RNF157: variants seen among roughly 807,000 people sequenced by gnomAD.
The protein encoded by RNF157 is ring finger protein 157, also known as E3 ubiquitin ligase RNF157.
In RNF157, 55 loss-of-function variants were observed where a neutral mutation model predicts 88.3. The observed-to-expected ratio is 0.62, with a 90% CI of 0.50 to 0.78. RNF157 has a LOEUF of 0.78. Ranked by LOEUF, RNF157 falls within the 30% of genes least tolerant of loss-of-function variation. RNF157 has a pLI of 0.00. For missense variants in RNF157, 788 were observed against 860.8 expected, an observed-to-expected ratio of 0.92 and a Z score of 1.06; for synonymous variants, 334 against 341.2, an observed-to-expected ratio of 0.98 and a Z score of 0.23.
At chr17:76,200,424 T>C (rs2069555579) in intron 2 of RNF157, among the ~76,000 whole-genome samples, 1 of 152,154 alleles carries the variant, frequency 6.6e-6, no homozygotes, top group African/African-American at 2.4e-5. Flanking sequence ...TGCTACAACA[T>C]GGATGAACCA....
chr17:76,203,182 G>C (rs1444152368), intron 2 of RNF157, among the ~76,000 whole-genome samples: 12 of 152,066 alleles, frequency 7.9e-5, no homozygotes, highest in East Asian at 1.9e-4. Flanking sequence ...GTAGAGACAG[G>C]GTTTCGCCAT....
Position 76,202,128 on chromosome 17 carries a change from TCACACACACACACACACACACACA to T in RNF157, c.207+10212_207+10235del, listed in dbSNP as rs60491535. 4.6e-3 allele frequency among the ~76,000 whole-genome samples: 620 copies of T among 134,664 alleles called. 2 individuals are homozygous for T. The highest frequency in any genetic ancestry group is 8.9e-3 in the Admixed American group (122 of 13,674). The allele number at this position is 134,664 out of a possible 152,430, so 88.3% of individuals were successfully genotyped here. Reference sequence around the variant, plus strand: ...ATCTCAGTTTCTCTCTCTCTCTCTCTCACACACACACACACACACACACACACACACACACACACACACGTGCAT... The same window carrying T: ...ATCTCAGTTTCTCTCTCTCTCTCTCTCACACACACACACACACACGTGCAT... On this transcript the variant is annotated intron_variant, in intron 2 of 18. Transcript: ENST00000269391.
chr17:76,219,935 G>C (rs1450878096), intron 1 of RNF157, among the ~76,000 whole-genome samples: 4 of 151,864 alleles, frequency 2.6e-5, no homozygotes. Flanking sequence ...CAGAGAGAAA[G>C]TTAAAAAAAG....
chr17:76,226,253 T>G (rs2145062785), intron 1 of RNF157: 1 of 1,610,172 alleles, frequency 6.2e-7, no homozygotes, highest in Non-Finnish European at 8.5e-7. Flanking sequence ...GATATCCACT[T>G]CACTGCCCAG....
chr17:76,200,267 A>C (rs1001989502), intron 2 of RNF157, among the ~76,000 whole-genome samples: 7 of 151,866 alleles, frequency 4.6e-5, no homozygotes, highest in Admixed American at 4.6e-4. Flanking sequence ...AAAAACAAAA[A>C]CCAAAAAAAA....
At chr17:76,223,179 C>T (rs1453863949) in intron 1 of RNF157, among the ~76,000 whole-genome samples, 1 of 150,348 alleles carries the variant, frequency 6.7e-6, no homozygotes, top group Admixed American at 6.6e-5. Context: ...GGTGAGCCAC[C>T]GCACCCGGCC....
intron 2 of RNF157, among the ~76,000 whole-genome samples, chr17:76,184,927 G>T (rs975764650): frequency 2.6e-5 from 4 of 152,134 alleles, no homozygotes; most frequent in Non-Finnish European, 5.9e-5. Context: ...ACCTAATGTT[G>T]ACCTTTTCCA....
At chr17:76,178,911 T>C (rs2069146976) in intron 2 of RNF157, among the ~76,000 whole-genome samples, 1 of 152,178 alleles carries the variant, frequency 6.6e-6, no homozygotes, top group Admixed American at 6.5e-5. Context: ...CCCAAGACGC[T>C]CTGGATGCAG....
At chr17:76,166,100 A>T (rs1280036682) in intron 6 of RNF157, among the ~76,000 whole-genome samples, 1 of 152,062 alleles carries the variant, frequency 6.6e-6, no homozygotes, top group Non-Finnish European at 1.5e-5. Flanking sequence ...TCAGCCTCCC[A>T]AGTAGTTGAG....
At position 76,144,004 on chromosome 17, in the gene RNF157, C is replaced by G. The variant is rs571109160; in HGVS notation, c.*1231G>C. On this transcript the variant is annotated 3_prime_UTR_variant, in exon 19 of 19. Coordinates refer to ENST00000269391, the MANE Select transcript of RNF157 (RefSeq NM_052916.3). The stretch of plus-strand genomic sequence containing the variant: ...GCTGCTGCCTGAACTTAGCTCAAGG[C>G]TCTCCATCACTTCCTTTGGGGACCT... 1.4e-4 allele frequency: 21 copies of G among 152,334 alleles called. No homozygotes were observed. Among genetic ancestry groups the G allele is most frequent in the Admixed American group, 1.1e-3 (17 of 15,302 alleles). 9.4% of individuals were successfully genotyped at this position (152,334 alleles called of 1,614,324 possible).
intron 4 of RNF157, 52 bp from the exon 5 acceptor site, chr17:76,167,178 G>T (rs752023954): frequency 2.3e-6 from 3 of 1,300,372 alleles, no homozygotes; most frequent in Non-Finnish European, 3.3e-6. Context: ...GCACAGATGG[G>T]TCTGACAACT....
intron 6 of RNF157, among the ~76,000 whole-genome samples, chr17:76,165,824 G>A (rs995491607): frequency 2.0e-5 from 3 of 151,408 alleles, no homozygotes; most frequent in African/African-American, 4.9e-5. Flanking sequence ...TTATACGCAT[G>A]AGCCACCATG....
At position 76,195,805 on chromosome 17, in the gene RNF157, G is replaced by A. The variant is rs1030231139; in HGVS notation, c.207+16559C>T. Among the ~76,000 whole-genome samples, 1 of 152,152 alleles carries A rather than the reference G, an allele frequency of 6.6e-6. No individual in the cohort carries two copies. Among genetic ancestry groups the A allele is most frequent in the South Asian group, 2.1e-4 (1 of 4,824 alleles). Reference sequence around the variant, plus strand: ...AGACTCAACTCCAGAGGTGGGGCTCGCACATCAGACTAAATTGAGCACAAG... The same window carrying A: ...AGACTCAACTCCAGAGGTGGGGCTCACACATCAGACTAAATTGAGCACAAG... On this transcript the variant is annotated intron_variant, in intron 2 of 18. Transcript: ENST00000269391. This position sits in a 1 kb window ranked among gnomAD's most constrained non-coding sequence, Gnocchi z 4.4.
rs563320436 is a variant in RNF157 at position 76,230,770 on chromosome 17, G to A, written c.88+9383C>T. On this transcript the variant is annotated intron_variant, in intron 1 of 18. Transcript: ENST00000269391. ...GGAGAATCGCTTGAACCCAGGAGAC[G>A]GAGGTTGCAATGAGCCAGGATCACG... Among the ~76,000 whole-genome samples the A allele has an allele frequency of 6.1e-5, 9 of 147,356 alleles. No homozygotes were observed. The South Asian group carries it at 6.4e-4, about 10-fold the overall frequency.
At position 76,181,242 on chromosome 17, in the gene RNF157, T is replaced by A. The variant is rs140291649; in HGVS notation, c.208-7452A>T. ...GGGGAGTCTGAAAGTTATACCATCA[T>A]GGCAAACAGTACTGAATTCTGTGAA... On this transcript the variant is annotated intron_variant, in intron 2 of 18. Transcript: ENST00000269391. Among the ~76,000 whole-genome samples the A allele has an allele frequency of 2.0e-5, 3 of 152,296 alleles. No homozygotes were observed. The East Asian group carries it at 5.8e-4, about 29-fold the overall frequency.
intron 1 of RNF157, among the ~76,000 whole-genome samples, chr17:76,225,381 A>T (rs749334804): frequency 6.6e-5 from 10 of 152,310 alleles, no homozygotes; most frequent in Non-Finnish European, 1.0e-4. Context: ...ATTAGTATAT[A>T]TAAGTTAATA....
chr17:76,225,994 T>C, intron 1 of RNF157: 4 of 1,611,378 alleles, frequency 2.5e-6, no homozygotes, highest in Non-Finnish European at 3.4e-6. Context: ...CCTTTACTTT[T>C]GCTGCTACCA....
chr17:76,177,817 A>G (rs2144895173), intron 2 of RNF157, among the ~76,000 whole-genome samples: 1 of 152,204 alleles, frequency 6.6e-6, no homozygotes, highest in East Asian at 1.9e-4. Flanking sequence ...AGATGTCCAT[A>G]AGACCAGCTG....
intron 18 of RNF157, among the ~76,000 whole-genome samples, chr17:76,152,075 G>A (rs371758551): frequency 4.3e-4 from 66 of 152,342 alleles, no homozygotes; most frequent in African/African-American, 1.4e-3. Flanking sequence ...CTGCAAGGCC[G>A]TGATGTGGGG....
Sources: gnomAD v4.1 joint callset for allele counts (sites outside exome capture counted in the v4.1 genomes callset) on GRCh38, gnomAD v4.1.1 for gene constraint, Gnocchi (gnomAD v3.1) non-coding constraint, MANE v1.5 for transcripts, NCBI Gene and HGNC (gene_info 2026-07-23, HGNC 2026-07-21) for gene names.